The following SH3BGRL2 variants were observed in gnomAD, a reference collection of about 807,000 sequenced individuals.
SH3BGRL2 encodes the protein SH3 domain binding glutamate rich protein like 2, also known as SH3 domain-binding glutamic acid-rich-like protein 2.
A neutral mutation model predicts 14.8 loss-of-function variants in SH3BGRL2; 21 were observed. The ratio of observed to expected loss-of-function variants is 1.42; its 90% CI spans 1.01 to 2.05. The LOEUF is 2.05. SH3BGRL2 is among the 30% of genes most tolerant of loss of function. The pLI, the probability that SH3BGRL2 is intolerant of heterozygous loss-of-function variation, is 0.00. For synonymous variants in SH3BGRL2, 50 were observed against 47.8 expected (o/e 1.05, Z -0.19); for missense variants, 147 against 130.8 (o/e 1.12, Z -0.61).
At chr6:79,587,407 A>G in the SH3BGRL2 span, among the ~76,000 whole-genome samples, 6 of 152,188 alleles carry the variant, frequency 3.9e-5, no homozygotes, top group Admixed American at 3.3e-4. Flanking sequence ...GGTATCCCCA[A>G]GAACCTACGT....
chr6:79,570,587 A>G, the SH3BGRL2 span, among the ~76,000 whole-genome samples: 28 of 152,270 alleles, frequency 1.8e-4, no homozygotes, highest in African/African-American at 5.5e-4. Context: ...AGCCTCCTCT[A>G]TCTGTCCTTG....
chr6:79,650,880 G>T (rs1410368967), intron 1 of SH3BGRL2, among the ~76,000 whole-genome samples: 1 of 148,544 alleles, frequency 6.7e-6, no homozygotes, highest in African/African-American at 2.5e-5. Context: ...AATTATATAA[G>T]GATAAATAAT....
rs988021062 is a variant in SH3BGRL2 at position 79,639,628 on chromosome 6, A to G, written c.45+8122A>G. 6.6e-5 allele frequency among the ~76,000 whole-genome samples: 10 copies of G among 152,214 alleles called. 1 individual carries two copies. The highest frequency in any genetic ancestry group is 2.4e-4 in the African/African-American group (10 of 41,516). On this transcript the variant is annotated intron_variant, in intron 1 of 3. Transcript: ENST00000369838. ...CCAAAACCATCACCACCAACAACAA[A>G]AATACTTTATTTTGAAATGCATATT...
chr6:79,549,464 A>G, the SH3BGRL2 span, among the ~76,000 whole-genome samples: 26 of 152,168 alleles, frequency 1.7e-4, no homozygotes, highest in African/African-American at 6.0e-4. Flanking sequence ...ACCATTTTTT[A>G]TCTTTTATAC....
the SH3BGRL2 span, among the ~76,000 whole-genome samples, chr6:79,597,380 A>C: frequency 6.8e-6 from 1 of 147,760 alleles, no homozygotes; most frequent in African/African-American, 2.5e-5. Flanking sequence ...GAGGAAGGGA[A>C]GGGAAGGAAG....
At chr6:79,616,574 G>A in the SH3BGRL2 span, among the ~76,000 whole-genome samples, 2 of 149,664 alleles carry the variant, frequency 1.3e-5, no homozygotes, top group African/African-American at 4.9e-5. Flanking sequence ...TCTCAGAGAT[G>A]TTAAGTGACT....
At chr6:79,699,220 G>A (rs1770397513) in intron 3 of SH3BGRL2, among the ~76,000 whole-genome samples, 2 of 152,156 alleles carry the variant, frequency 1.3e-5, no homozygotes, top group South Asian at 4.1e-4. Flanking sequence ...CCATACACAA[G>A]TGGAACAGTA....
At chr6:79,646,037 C>G (rs1047245656) in intron 1 of SH3BGRL2, among the ~76,000 whole-genome samples, 1 of 152,194 alleles carries the variant, frequency 6.6e-6, no homozygotes, top group African/African-American at 2.4e-5. Context: ...CTGGACAACT[C>G]TTTGTTGTTG....
the SH3BGRL2 span, among the ~76,000 whole-genome samples, chr6:79,579,931 CAAAAT>C: frequency 2.0e-5 from 3 of 151,796 alleles, no homozygotes; most frequent in Admixed American, 2.0e-4. Flanking sequence ...CATGTAAGCT[CAAAAT>C]AAAGGGATGG....
intron 1 of SH3BGRL2, among the ~76,000 whole-genome samples, chr6:79,632,797 C>T (rs1768850739): frequency 6.6e-6 from 1 of 152,180 alleles, no homozygotes; most frequent in East Asian, 1.9e-4. Context: ...TTGTAGATTT[C>T]CCCACTGAAG....
chr6:79,547,476 G>A, the SH3BGRL2 span, among the ~76,000 whole-genome samples: 1 of 152,036 alleles, frequency 6.6e-6, no homozygotes, highest in Admixed American at 6.5e-5. Context: ...TGATGCGCTG[G>A]CATCTGACCT....
intron 1 of SH3BGRL2, among the ~76,000 whole-genome samples, chr6:79,656,075 A>T (rs1769408072): frequency 6.6e-6 from 1 of 152,250 alleles, no homozygotes; most frequent in African/African-American, 2.4e-5. Context: ...GCATGAAATC[A>T]TCTAATTTAG....
the SH3BGRL2 span, among the ~76,000 whole-genome samples, chr6:79,564,030 G>A: frequency 6.6e-6 from 1 of 152,308 alleles, no homozygotes; most frequent in Non-Finnish European, 1.5e-5. Context: ...CTGGAAAAAT[G>A]TTGAGCAAAC....
chr6:79,664,401 C>T (rs943764158), intron 1 of SH3BGRL2, among the ~76,000 whole-genome samples: 2 of 152,214 alleles, frequency 1.3e-5, no homozygotes, highest in Non-Finnish European at 2.9e-5. Flanking sequence ...CTGCAGTTCT[C>T]TATGCTGAAT....
chr6:79,563,008 T>A, the SH3BGRL2 span, among the ~76,000 whole-genome samples: 4 of 152,016 alleles, frequency 2.6e-5, no homozygotes, highest in Non-Finnish European at 5.9e-5. Flanking sequence ...CAGGCTGGAG[T>A]GCAGTAGCGC....
chr6:79,552,920 A>C, the SH3BGRL2 span: 7 of 152,228 alleles, frequency 4.6e-5, no homozygotes, highest in African/African-American at 9.6e-5. Context: ...CATGCTAAAC[A>C]GTGCTTCAGA....
At chr6:79,583,945 C>G in the SH3BGRL2 span, among the ~76,000 whole-genome samples, 2 of 152,012 alleles carry the variant, frequency 1.3e-5, no homozygotes, top group Non-Finnish European at 2.9e-5. Context: ...AACAAGAGGC[C>G]AAATCGGATC....
rs1770499505 is a variant in SH3BGRL2 at position 79,703,073 on chromosome 6, C to CA, written c.*3565dup. The CA allele has an allele frequency of 6.6e-6, 1 of 152,190 alleles. No individual in the cohort carries two copies. Among genetic ancestry groups the CA allele is most frequent in the African/African-American group, 2.4e-5 (1 of 41,450 alleles). 9.4% of individuals were successfully genotyped at this position (152,190 alleles called of 1,614,324 possible). A position where few individuals can be genotyped will look rare whatever the true frequency, so the allele number is the denominator to read the frequency against. ...CAGAAATGTGTGAAACCAAAATGAT[C>CA]ACTGCCTACTTGTGATTCAAATCTT... On this transcript the variant is annotated 3_prime_UTR_variant, in exon 4 of 4. Coordinates refer to ENST00000369838, the MANE Select transcript of SH3BGRL2 (RefSeq NM_031469.4).
At chr6:79,583,823 T>C in the SH3BGRL2 span, among the ~76,000 whole-genome samples, 2 of 152,242 alleles carry the variant, frequency 1.3e-5, no homozygotes, top group African/African-American at 4.8e-5. Context: ...TTTTTATTAC[T>C]TTCTTTTTGT....
Sources: gnomAD v4.1 joint callset for allele counts (sites outside exome capture counted in the v4.1 genomes callset) on GRCh38, gnomAD v4.1.1 for gene constraint, MANE v1.5 for transcripts, NCBI Gene and HGNC (gene_info 2026-07-23, HGNC 2026-07-21) for gene names.